Variants in TBPL1 observed in about 807,000 individuals in gnomAD.
The protein encoded by TBPL1 is TATA box-binding protein-like 1.
Under a neutral mutation model 22.1 loss-of-function variants are expected in TBPL1, and 4 were observed. The observed-to-expected ratio is 0.18, with a 90% confidence interval of 0.09 to 0.41. TBPL1 has a LOEUF of 0.41. Ranked by LOEUF, TBPL1 falls within the 10% of genes least tolerant of loss-of-function variation. The pLI is 1.00. For synonymous variants in TBPL1, 64 were observed against 71.0 expected (o/e 0.90, Z 0.50); for missense variants, 115 against 222.3 (o/e 0.52, Z 3.07).
At chr6:133,978,622 T>A (rs1222438226) in intron 1 of TBPL1, among the ~76,000 whole-genome samples, 1 of 152,118 alleles carries the variant, frequency 6.6e-6, no homozygotes, top group Non-Finnish European at 1.5e-5. Context: ...AACAAAAAGA[T>A]ACACAGATTG....
chr6:133,976,998 G>A (rs542099929), intron 1 of TBPL1, among the ~76,000 whole-genome samples: 1 of 151,460 alleles, frequency 6.6e-6, no homozygotes. Flanking sequence ...AAAAGAAATT[G>A]AGATTTGTCT....
At chr6:133,952,823 CAAAA>C (rs1189011595), upstream of TBPL1, 1 of 152,030 alleles carries the variant, frequency 6.6e-6, no homozygotes, top group Non-Finnish European at 1.5e-5. This position sits in a 1 kb window ranked among gnomAD's most constrained non-coding sequence, Gnocchi z 4.5. Context: ...ACGGTTTTGA[CAAAA>C]AAGTCCACCT....
intron 1 of TBPL1, among the ~76,000 whole-genome samples, chr6:133,970,109 A>C (rs575654216): frequency 5.8e-4 from 89 of 152,272 alleles, no homozygotes; most frequent in African/African-American, 2.0e-3. Flanking sequence ...TGCAGTGTTA[A>C]GTATCTGGTT....
In TBPL1 at chr6:133,984,625, A is replaced by G; in HGVS notation, c.435A>G (p.Leu145=). ...HPAVCYRIKS[L]RATLQIFSTG... is the part of the protein sequence containing the mutation. ...CTGTGTGCTATCGGATAAAATCTCT[A>G]AGAGCTACATTACAGATTTTTTCAA... is the stretch of plus-strand genomic sequence containing the variant. The change falls in exon 6 of 7, where the codon CTA becomes CTG. Residue 145 remains leucine, a synonymous_variant. Transcript: ENST00000237264. 6.2e-7 allele frequency: 1 copy of G among 1,613,212 alleles called. No homozygotes were observed. The highest frequency in any genetic ancestry group is 8.5e-7 in the Non-Finnish European group (1 of 1,179,858).
intron 1 of TBPL1, among the ~76,000 whole-genome samples, chr6:133,967,649 G>A (rs1776142722): frequency 6.6e-6 from 1 of 152,192 alleles, no homozygotes; most frequent in Non-Finnish European, 1.5e-5. Flanking sequence ...ACTGTAGGCA[G>A]TTGTAACATA....
rs561160976 is a variant in TBPL1 at position 133,968,330 on chromosome 6, A to G, written c.-44-11752A>G. Among the ~76,000 whole-genome samples, 5 of 152,338 alleles carry G rather than the reference A, an allele frequency of 3.3e-5. No individual in the cohort carries two copies. In the East Asian group the frequency reaches 9.6e-4, roughly 29 times the overall value. ...CTTAGACAGTTTATCTGAAATATTAAGAAATCTATCCAAAATAAAACTTGC... is the reference window on the plus strand; with the variant it reads ...CTTAGACAGTTTATCTGAAATATTAGGAAATCTATCCAAAATAAAACTTGC... On this transcript the variant is annotated intron_variant, in intron 1 of 6. Coordinates refer to ENST00000237264, the MANE Select transcript of TBPL1 (RefSeq NM_004865.4).
upstream of TBPL1, chr6:133,952,502 G>C (rs750784688): frequency 6.6e-6 from 1 of 152,208 alleles, no homozygotes; most frequent in Non-Finnish European, 1.5e-5. The surrounding 1 kb of genome is among the most constrained non-coding windows in gnomAD (Gnocchi z 4.5). Context: ...AGTGGCATAC[G>C]GTCCTGCGTT....
intron 1 of TBPL1, among the ~76,000 whole-genome samples, chr6:133,953,754 C>T (rs1775879322): frequency 6.6e-6 from 1 of 150,980 alleles, no homozygotes; most frequent in African/African-American, 2.4e-5. Context: ...GTTTAAGCCA[C>T]CACTGGGAAA....
In TBPL1 at chr6:133,985,297, AATATATATATATATATATATATAT is replaced by A. The variant is rs3068194; in HGVS notation, c.481+644_481+667del. ...TGTCTAAAAAAAAAAAAAAAAAAAAAATATATATATATATATATATATATATATATATATATATATACACACATA... is the reference window on the plus strand; with the variant it reads ...TGTCTAAAAAAAAAAAAAAAAAAAAAATATATATATATATATACACACATA... On this transcript the variant is annotated intron_variant, in intron 6 of 6. Transcript: ENST00000237264. 1.2e-3 allele frequency among the ~76,000 whole-genome samples: 53 copies of A among 42,910 alleles called. 5 individuals carry two copies. In the East Asian group the frequency reaches 0.027, roughly 22 times the overall value. The allele number at this position is 42,910 out of a possible 152,430, so 28.2% of individuals were successfully genotyped here.
At chr6:133,985,477 G>T (rs1315859070) in intron 6 of TBPL1, among the ~76,000 whole-genome samples, 1 of 149,650 alleles carries the variant, frequency 6.7e-6, no homozygotes, top group Non-Finnish European at 1.5e-5. Context: ...AAATATAATT[G>T]GTACCTGTTT....
intron 1 of TBPL1, among the ~76,000 whole-genome samples, chr6:133,961,381 C>T (rs1305302448): frequency 2.6e-5 from 4 of 152,026 alleles, no homozygotes; most frequent in African/African-American, 9.7e-5. Flanking sequence ...TTGCTGTGCC[C>T]TCTGCCGGGT....
At chr6:133,973,023 A>G (rs1297197509) in intron 1 of TBPL1, among the ~76,000 whole-genome samples, 3 of 152,172 alleles carry the variant, frequency 2.0e-5, no homozygotes, top group Admixed American at 2.0e-4. Context: ...TTATACTATC[A>G]AACAGATACG....
chr6:133,988,677 T>C lies in TBPL1; in HGVS notation c.*1637T>C, dbSNP rs1776573266. On this transcript the variant is annotated 3_prime_UTR_variant, in exon 7 of 7. Coordinates refer to ENST00000237264, the MANE Select transcript of TBPL1 (RefSeq NM_004865.4). ...GGAAAGCAAAGGCTAACTTACATTT[T>C]TCCTTCTTGTGAAATATTTCATTGA... 6.6e-6 allele frequency: 1 copy of C among 152,184 alleles called. No homozygotes were observed. Among genetic ancestry groups the C allele is most frequent in the South Asian group, 2.1e-4 (1 of 4,832 alleles). The allele number at this position is 152,184 out of a possible 1,614,324, so 9.4% of individuals were successfully genotyped here.
chr6:133,984,616 A>G lies in TBPL1; in HGVS notation c.426A>G (p.Ile142Met). The change falls in exon 6 of 7, where the codon ATA becomes ATG. Residue 142 changes from isoleucine to methionine, a missense_variant. Physicochemically the swap from Ile to Met is conservative, Grantham distance 10 (BLOSUM62 1). Coordinates refer to ENST00000237264, the MANE Select transcript of TBPL1 (RefSeq NM_004865.4). ...TTCATCCTGCTGTGTGCTATCGGATAAAATCTCTAAGAGCTACATTACAGA... is the reference window on the plus strand; with the variant it reads ...TTCATCCTGCTGTGTGCTATCGGATGAAATCTCTAAGAGCTACATTACAGA... ...PELHPAVCYR[I>M]KSLRATLQIF... The G allele has an allele frequency of 1.2e-6, 2 of 1,613,360 alleles. No homozygotes were observed. The highest frequency in any genetic ancestry group is 1.7e-6 in the Non-Finnish European group (2 of 1,179,868).
At chr6:133,966,013 G>A (rs952048545) in intron 1 of TBPL1, among the ~76,000 whole-genome samples, 1 of 152,202 alleles carries the variant, frequency 6.6e-6, no homozygotes, top group African/African-American at 2.4e-5. Flanking sequence ...TGGCTAATAA[G>A]TGGTAGAGTC....
chr6:133,987,098 T>G lies in TBPL1; in HGVS notation c.*58T>G. ...AGCACCTTTTAAACCTGCTGCACAT[T>G]GGACTCAAAAGGAAAACTGGACCAA... On this transcript the variant is annotated 3_prime_UTR_variant, in exon 7 of 7. Transcript: ENST00000237264. The G allele has an allele frequency of 7.9e-7, 1 of 1,270,560 alleles. No individual in the cohort carries two copies. Among genetic ancestry groups the G allele is most frequent in the Non-Finnish European group, 1.1e-6 (1 of 901,838 alleles). The allele number at this position is 1,270,560 out of a possible 1,614,324, so 78.7% of individuals were successfully genotyped here.
At chr6:133,977,773 C>T (rs147595039) in intron 1 of TBPL1, among the ~76,000 whole-genome samples, 75 of 147,310 alleles carry the variant, frequency 5.1e-4, no homozygotes, top group Admixed American at 1.6e-3. Flanking sequence ...AGATTCACAG[C>T]GTCAGGGGCC....
At chr6:133,964,950 G>C (rs577649674) in intron 1 of TBPL1, among the ~76,000 whole-genome samples, 3 of 152,244 alleles carry the variant, frequency 2.0e-5, no homozygotes, top group African/African-American at 7.2e-5. Context: ...ACTTTCTCTT[G>C]ATTAAATTCT....
chr6:133,972,704 GTTTT>G lies in TBPL1; in HGVS notation c.-44-7374_-44-7371del, dbSNP rs34372580. 9.5e-3 allele frequency among the ~76,000 whole-genome samples: 1,304 copies of G among 137,240 alleles called. 38 individuals carry two copies. The highest frequency in any genetic ancestry group is 0.068 in the Admixed American group (947 of 13,844). 90.0% of individuals were successfully genotyped at this position (137,240 alleles called of 152,430 possible). On this transcript the variant is annotated intron_variant, in intron 1 of 6. Transcript: ENST00000237264. Reference sequence around the variant, plus strand: ...TGTTTGTTTGTTTGTTTGTTTGTTTGTTTTTTTCCCCTCATCTGTAACTGTTCTC... The same window carrying G: ...TGTTTGTTTGTTTGTTTGTTTGTTTGTTTCCCCTCATCTGTAACTGTTCTC...
Sources: allele counts gnomAD v4.1 joint callset (sites outside exome capture counted in the v4.1 genomes callset), GRCh38; gene constraint gnomAD v4.1.1; non-coding constraint Gnocchi (gnomAD v3.1); transcripts MANE v1.5; gene names NCBI Gene and HGNC (gene_info 2026-07-23, HGNC 2026-07-21).